GON4L: variants seen among roughly 807,000 people sequenced by gnomAD.
The protein encoded by GON4L is gon-4 like.
In GON4L, 87 loss-of-function variants were observed where a neutral mutation model predicts 211.8. The ratio of observed to expected loss-of-function variants is 0.41; its 90% CI spans 0.35 to 0.49. The LOEUF (loss-of-function observed/expected upper bound fraction) is 0.49. Among genes scored for constraint, GON4L ranks in the 20% least tolerant of loss-of-function variants. GON4L has a pLI of 0.15. For synonymous variants in GON4L, 875 were observed against 962.6 expected (o/e 0.91, Z 1.68); for missense variants, 2,155 against 2,659.5 (o/e 0.81, Z 4.17).
chr1:155,763,643 T>C lies in GON4L; in HGVS notation c.4474-79A>G. 2.4e-6 allele frequency: 3 copies of C among 1,258,894 alleles called. No individual in the cohort carries two copies. In the South Asian group the frequency reaches 4.7e-5, roughly 20 times the overall value. The allele number at this position is 1,258,894 out of a possible 1,614,324, so 78.0% of individuals were successfully genotyped here. A position where few individuals can be genotyped will look rare whatever the true frequency, so the allele number is the denominator to read the frequency against. On this transcript the variant is annotated intron_variant, in intron 21 of 31. Transcript: ENST00000368331. Reference sequence around the variant, plus strand: ...CAAACAACACAAAGCTATATCAGGATAATCTGAAGTTAAACAATGGGGAGC... The same window carrying C: ...CAAACAACACAAAGCTATATCAGGACAATCTGAAGTTAAACAATGGGGAGC...
chr1:155,768,471 C>G (rs1366301120), intron 19 of GON4L, among the ~76,000 whole-genome samples: 1 of 151,688 alleles, frequency 6.6e-6, no homozygotes, highest in Non-Finnish European at 1.5e-5. Context: ...ATTAGCCAGG[C>G]GTGGTGGCTG....
chr1:155,815,274 A>AATTAT (rs1207259631), intron 8 of GON4L, among the ~76,000 whole-genome samples: 2 of 152,238 alleles, frequency 1.3e-5, no homozygotes, highest in Non-Finnish European at 2.9e-5. Flanking sequence ...GTATAGCTAA[A>AATTAT]ACCAATAGTA....
chr1:155,832,838 G>A (rs1357191066), intron 2 of GON4L: 1 of 151,752 alleles, frequency 6.6e-6, no homozygotes, highest in Non-Finnish European at 1.5e-5. Flanking sequence ...ATACTAAACA[G>A]CAGGGCTACG....
intron 2 of GON4L, among the ~76,000 whole-genome samples, chr1:155,847,764 C>CT (rs1366555567): frequency 6.6e-6 from 1 of 152,028 alleles, no homozygotes; most frequent in Non-Finnish European, 1.5e-5. Context: ...GTCCCAGGTA[C>CT]TCGAAAGGCT....
intron 12 of GON4L, among the ~76,000 whole-genome samples, chr1:155,791,668 G>GACC (rs1665575799): frequency 6.6e-6 from 1 of 151,816 alleles, no homozygotes; most frequent in Non-Finnish European, 1.5e-5. Context: ...AAGAGTTCAA[G>GACC]ACCAGCCTGG....
At chr1:155,749,605 T>G (rs1660396304), downstream of GON4L, 2 of 1,393,814 alleles carry the variant, frequency 1.4e-6, no homozygotes, top group South Asian at 2.5e-5. Context: ...CCGGGTATGG[T>G]TCTGGATGGT....
chr1:155,815,603 T>TC (rs1275449731), intron 8 of GON4L, among the ~76,000 whole-genome samples: 1 of 152,116 alleles, frequency 6.6e-6, no homozygotes, highest in Non-Finnish European at 1.5e-5. Flanking sequence ...ACATTTTTAT[T>TC]CTATGCACGT....
At chr1:155,788,716 G>A (rs961976711) in intron 12 of GON4L, among the ~76,000 whole-genome samples, 28 of 152,240 alleles carry the variant, frequency 1.8e-4, no homozygotes, top group African/African-American at 5.5e-4. Flanking sequence ...TATGCTGAGT[G>A]AAAGAAGCCT....
intron 10 of GON4L, among the ~76,000 whole-genome samples, chr1:155,812,094 C>T (rs1667847634): frequency 1.3e-5 from 2 of 151,978 alleles, no homozygotes; most frequent in Admixed American, 6.6e-5. Flanking sequence ...TGAAGTATAT[C>T]CCCACATGAT....
rs188005483 is a variant in GON4L at position 155,836,495 on chromosome 1, G to A, written c.506-9467C>T. On this transcript the variant is annotated intron_variant, in intron 2 of 31. Transcript: ENST00000368331. ...GAACTCCTGACCTCGTGATCCCCCCGCCTCGGCCTCCCAGACTGCTGGGAT... is the reference window on the plus strand; with the variant it reads ...GAACTCCTGACCTCGTGATCCCCCCACCTCGGCCTCCCAGACTGCTGGGAT... Among the ~76,000 whole-genome samples the A allele has an allele frequency of 1.9e-3, 286 of 152,230 alleles. 1 individual carries two copies. Among genetic ancestry groups the A allele is most frequent in the African/African-American group, 6.6e-3 (275 of 41,550 alleles).
chr1:155,771,982 G>A (rs1663236024), intron 18 of GON4L, among the ~76,000 whole-genome samples: 1 of 152,102 alleles, frequency 6.6e-6, no homozygotes, highest in Non-Finnish European at 1.5e-5. Flanking sequence ...GGCCAACATG[G>A]TGAAACCTCG....
At chr1:155,795,476 C>T (rs1665974992) in intron 11 of GON4L, among the ~76,000 whole-genome samples, 3 of 152,100 alleles carry the variant, frequency 2.0e-5, no homozygotes, top group South Asian at 4.1e-4. Flanking sequence ...AAAGGAGTGG[C>T]CCAAATTCCC....
At chr1:155,747,752 C>A (rs1259982779), downstream of GON4L, 1 of 1,613,846 alleles carries the variant, frequency 6.2e-7, no homozygotes, top group Non-Finnish European at 8.5e-7. Context: ...CGTCACTCAC[C>A]CCCGCCCAGG....
At chr1:155,790,057 G>A (rs1001889520) in intron 12 of GON4L, among the ~76,000 whole-genome samples, 15 of 151,946 alleles carry the variant, frequency 9.9e-5, no homozygotes, top group African/African-American at 3.4e-4. Flanking sequence ...TCCTGACTCT[G>A]TCTCCAGAGT....
At chr1:155,811,754 C>CAAAAAA (rs145360103) in intron 10 of GON4L, among the ~76,000 whole-genome samples, 1,504 of 33,028 alleles carry the variant, frequency 0.046, 251 homozygotes, top group East Asian at 0.22. Flanking sequence ...GACTCTGTCT[C>CAAAAAA]AAAAAAAAAA....
At chr1:155,826,004 T>C (rs1571873131) in intron 3 of GON4L, among the ~76,000 whole-genome samples, 1 of 151,740 alleles carries the variant, frequency 6.6e-6, no homozygotes, top group African/African-American at 2.4e-5. Flanking sequence ...GATCAAGCCA[T>C]TGCATTCCAG....
chr1:155,827,106 T>C (rs1044068995), intron 2 of GON4L, 78 bp from the exon 3 acceptor site: 7 of 1,079,382 alleles, frequency 6.5e-6, no homozygotes, highest in Middle Eastern at 2.0e-4. Context: ...CATCTTATTA[T>C]AGTGTTTTTA....
intron 10 of GON4L, among the ~76,000 whole-genome samples, chr1:155,811,918 G>GTCA (rs1667827160): frequency 6.6e-6 from 1 of 151,682 alleles, no homozygotes; most frequent in African/African-American, 2.4e-5. Flanking sequence ...CAGGCGTGGT[G>GTCA]GTGGGCACCT....
chr1:155,853,987 T>C (rs1401907278), intron 1 of GON4L, among the ~76,000 whole-genome samples, 181 bp from the exon 2 acceptor site: 1 of 152,198 alleles, frequency 6.6e-6, no homozygotes, highest in Non-Finnish European at 1.5e-5. Context: ...ATCTCAACTC[T>C]ACTGATTACT....
Sources: gnomAD v4.1 joint callset for allele counts (sites outside exome capture counted in the v4.1 genomes callset) on GRCh38, gnomAD v4.1.1 for gene constraint, MANE v1.5 for transcripts, NCBI Gene and HGNC (gene_info 2026-07-23, HGNC 2026-07-21) for gene names.